The following KLHL29 variants were observed in gnomAD, a reference collection of about 807,000 sequenced individuals.
The protein encoded by KLHL29 is kelch-like protein 29.
Under a neutral mutation model 80.4 loss-of-function variants are expected in KLHL29, and 21 were observed. The observed-to-expected ratio is 0.26, with a 90% CI of 0.19 to 0.38. The LOEUF (loss-of-function observed/expected upper bound fraction) is 0.38, where lower values mean the gene tolerates loss of function less well. KLHL29 is among the 10% of genes least tolerant of loss of function. The probability of loss-of-function intolerance (pLI) is 1.00; values close to 1 mark genes in which losing one functional copy is unlikely to be tolerated. For missense variants in KLHL29, 867 were observed against 1,223.9 expected, an observed-to-expected ratio of 0.71 and a Z score of 4.35; for synonymous variants, 511 against 526.8, an observed-to-expected ratio of 0.97 and a Z score of 0.41.
chr2:23,523,961 G>A lies in KLHL29; in HGVS notation c.-45-38191G>A, dbSNP rs1420214211. ...GAAGTAAGTACTTACCTCGTAAAGA[G>A]AAGATTCCATGCGTCTTTCGGGAGC... On this transcript the variant is annotated intron_variant, in intron 2 of 13. Transcript: ENST00000486442. The A allele has an allele frequency of 9.1e-5, 43 of 471,314 alleles. No homozygotes were observed. The Admixed American group carries it at 9.6e-4, about 11-fold the overall frequency. The allele number at this position is 471,314 out of a possible 1,614,324, so 29.2% of individuals were successfully genotyped here.
At chr2:23,660,882 T>C (rs553572197) in intron 5 of KLHL29, among the ~76,000 whole-genome samples, 134 of 150,988 alleles carry the variant, frequency 8.9e-4, no homozygotes, top group Admixed American at 2.9e-3. Flanking sequence ...AAAAAAAAAG[T>C]CAGCCAGGCG....
intron 3 of KLHL29, among the ~76,000 whole-genome samples, chr2:23,627,588 T>G (rs1028451702): frequency 2.6e-5 from 4 of 152,208 alleles, no homozygotes; most frequent in African/African-American, 9.6e-5. Flanking sequence ...TCGGTGCACC[T>G]TGCGTCTGAG....
At chr2:23,412,129 G>GC (rs76344441) in intron 1 of KLHL29, among the ~76,000 whole-genome samples, 4 of 146,198 alleles carry the variant, frequency 2.7e-5, no homozygotes, top group African/African-American at 5.1e-5. Context: ...TGAAGGGGGG[G>GC]GGGGGGCGGT....
chr2:23,619,098 A>G (rs983734822), intron 3 of KLHL29, among the ~76,000 whole-genome samples: 1 of 152,192 alleles, frequency 6.6e-6, no homozygotes, highest in Non-Finnish European at 1.5e-5. Flanking sequence ...TCTCTGTTGC[A>G]GGTGGGAGGC....
chr2:23,439,020 C>T (rs542249867), intron 1 of KLHL29, among the ~76,000 whole-genome samples: 1 of 148,814 alleles, frequency 6.7e-6, no homozygotes, highest in South Asian at 2.2e-4. Flanking sequence ...GATTCAACTT[C>T]TTCCTGGTTT....
chr2:23,491,887 T>C (rs1665113579), intron 2 of KLHL29, among the ~76,000 whole-genome samples: 1 of 152,052 alleles, frequency 6.6e-6, no homozygotes. Context: ...AACCTGAGAG[T>C]GCATCTCGCC....
At chr2:23,519,209 C>T (rs1450666005) in intron 2 of KLHL29, among the ~76,000 whole-genome samples, 1 of 152,206 alleles carries the variant, frequency 6.6e-6, no homozygotes, top group Non-Finnish European at 1.5e-5. Flanking sequence ...TGACCCTCCG[C>T]TAGTCAGTCT....
chr2:23,442,531 C>T (rs1013113876), intron 1 of KLHL29, among the ~76,000 whole-genome samples: 5 of 152,204 alleles, frequency 3.3e-5, no homozygotes, highest in African/African-American at 1.2e-4. Flanking sequence ...GGAATCCATG[C>T]AGGCTTTAGA....
chr2:23,684,344 A>G lies in KLHL29; in HGVS notation c.941-55A>G. ...AAGAAAAAAAACTTTTTTTAATTAA[A>G]AAAAAAAAAACTCTTAATGGGAACC... On this transcript the variant is annotated intron_variant, in intron 5 of 13. Transcript: ENST00000486442. This position sits in a 1 kb window ranked among gnomAD's most constrained non-coding sequence, Gnocchi z 4.4. 7.7e-7 allele frequency: 1 copy of G among 1,293,162 alleles called. No homozygotes were observed. The highest frequency in any genetic ancestry group is 2.1e-4 in the Middle Eastern group (1 of 4,804). 80.1% of individuals were successfully genotyped at this position (1,293,162 alleles called of 1,614,324 possible).
chr2:23,471,095 G>A (rs979800634), intron 1 of KLHL29, among the ~76,000 whole-genome samples: 5 of 152,144 alleles, frequency 3.3e-5, no homozygotes, highest in East Asian at 1.9e-4. Context: ...CTCGGGAGCC[G>A]GTTTCCTCCC....
chr2:23,435,892 T>G (rs928602097), intron 1 of KLHL29, among the ~76,000 whole-genome samples: 2 of 149,090 alleles, frequency 1.3e-5, no homozygotes, highest in Non-Finnish European at 3.0e-5. Context: ...TCTTTCTCTC[T>G]CTCTCTCTTT....
At chr2:23,545,756 C>T (rs1036583057) in intron 2 of KLHL29, among the ~76,000 whole-genome samples, 3 of 152,312 alleles carry the variant, frequency 2.0e-5, no homozygotes, top group East Asian at 1.9e-4. Flanking sequence ...GTCCTCTTCT[C>T]GGGCGTGAAA....
intron 2 of KLHL29, among the ~76,000 whole-genome samples, chr2:23,543,804 T>C (rs1179794951): frequency 6.6e-6 from 1 of 152,162 alleles, no homozygotes; most frequent in Non-Finnish European, 1.5e-5. Context: ...ATGTGTACGC[T>C]CCTGGGGGAG....
chr2:23,434,201 G>A lies in KLHL29; in HGVS notation c.-153-41359G>A, dbSNP rs563421189. Among the ~76,000 whole-genome samples the A allele has an allele frequency of 3.9e-5, 6 of 151,936 alleles. No homozygotes were observed. The East Asian group carries it at 1.2e-3, about 30-fold the overall frequency. On this transcript the variant is annotated intron_variant, in intron 1 of 13. Coordinates refer to ENST00000486442, the MANE Select transcript of KLHL29 (RefSeq NM_052920.2). ...CCGGGCGTGTTGGCGGGCGCCTGTAGTCCCAGCTACTTGGGAGGCTGAGGC... is the reference window on the plus strand; with the variant it reads ...CCGGGCGTGTTGGCGGGCGCCTGTAATCCCAGCTACTTGGGAGGCTGAGGC...
At chr2:23,521,003 C>T (rs112842433) in intron 2 of KLHL29, among the ~76,000 whole-genome samples, 1 of 151,274 alleles carries the variant, frequency 6.6e-6, no homozygotes, top group African/African-American at 2.4e-5. Flanking sequence ...CCCCCCCCCC[C>T]GCTCCCCCTC....
intron 1 of KLHL29, among the ~76,000 whole-genome samples, chr2:23,444,572 C>T (rs113625264): frequency 9.1e-4 from 138 of 152,254 alleles, no homozygotes; most frequent in African/African-American, 3.2e-3. Flanking sequence ...GTGATTCACC[C>T]TCCTCAGCCT....
chr2:23,441,047 C>T (rs1663502651), intron 1 of KLHL29, among the ~76,000 whole-genome samples: 1 of 152,096 alleles, frequency 6.6e-6, no homozygotes, highest in Admixed American at 6.5e-5. Flanking sequence ...TATTGCGGCA[C>T]TATTCACAAT....
At chr2:23,563,068 G>A (rs1667491747) in intron 3 of KLHL29, among the ~76,000 whole-genome samples, 2 of 152,210 alleles carry the variant, frequency 1.3e-5, no homozygotes, top group Non-Finnish European at 2.9e-5. Context: ...GCTGGTCCAA[G>A]GCTGTGGGAC....
At chr2:23,627,766 A>G (rs1237798210) in intron 3 of KLHL29, among the ~76,000 whole-genome samples, 1 of 152,040 alleles carries the variant, frequency 6.6e-6, no homozygotes, top group Non-Finnish European at 1.5e-5. Context: ...AGTCGACTCC[A>G]TGCTCTGGGA....
Sources: gnomAD v4.1 joint callset for allele counts (sites outside exome capture counted in the v4.1 genomes callset) on GRCh38, gnomAD v4.1.1 for gene constraint, Gnocchi (gnomAD v3.1) non-coding constraint, MANE v1.5 for transcripts, NCBI Gene and HGNC (gene_info 2026-07-23, HGNC 2026-07-21) for gene names.